The following HIVEP3 variants were observed in gnomAD, a reference collection of about 807,000 sequenced individuals.
The protein encoded by HIVEP3 is transcription factor HIVEP3.
HIVEP3 carries 49 observed loss-of-function variants against 152.8 expected under a neutral mutation model. That is an observed-to-expected ratio of 0.32 (90% confidence interval 0.26 to 0.41). The LOEUF (loss-of-function observed/expected upper bound fraction) is 0.41. HIVEP3 is among the 10% of genes least tolerant of loss of function. The pLI is 1.00. For synonymous variants in HIVEP3, 1,269 were observed against 1,289.0 expected (o/e 0.98, Z 0.33); for missense variants, 2,790 against 3,103.3 (o/e 0.90, Z 2.40).
At chr1:41,878,891 TTTTCCTACC>T (rs1318135604) in intron 1 of HIVEP3, among the ~76,000 whole-genome samples, 2 of 149,744 alleles carry the variant, frequency 1.3e-5, no homozygotes, top group Non-Finnish European at 3.0e-5. Flanking sequence ...CCTTCCTTTT[TTTTCCTACC>T]TTTCCTTTCC....
chr1:41,582,945 G>C lies in HIVEP3; in HGVS notation c.1853C>G (p.Ser618Trp). ...PSSKDTASKP[S>W]DEVEPKESEL... ...GCTTTCCTTGGGTTCCACTTCGTCC[G>C]AGGGCTTGGAGGCTGTGTCTTTGCT... The change falls in exon 4 of 9, where the codon TCG (serine) becomes TGG (tryptophan). Residue 618 changes from serine to tryptophan, a missense_variant. This residue lies in a region of HIVEP3 where 339 missense variants were observed against 327.0 expected (regional missense o/e 1.04). Coordinates refer to ENST00000372583, the MANE Select transcript of HIVEP3 (RefSeq NM_024503.5). This position sits in a 1 kb window ranked among gnomAD's most constrained non-coding sequence, Gnocchi z 4.7. 6.2e-7 allele frequency: 1 copy of C among 1,614,008 alleles called. No homozygotes were observed. The highest frequency in any genetic ancestry group is 2.2e-5 in the East Asian group (1 of 44,868).
chr1:41,778,549 A>G (rs1433573977), intron 1 of HIVEP3, among the ~76,000 whole-genome samples: 2 of 152,164 alleles, frequency 1.3e-5, no homozygotes, highest in African/African-American at 4.8e-5. Flanking sequence ...TTGTTGCTGG[A>G]GGGCGGGGCA....
At chr1:41,562,482 C>G (rs1459884032) in intron 5 of HIVEP3, among the ~76,000 whole-genome samples, 5 of 151,966 alleles carry the variant, frequency 3.3e-5, no homozygotes, top group African/African-American at 1.2e-4. Context: ...TTTTCTTTTC[C>G]CTTTCCTTCC....
At chr1:41,964,657 T>C (rs1645188114) in intron 1 of HIVEP3, among the ~76,000 whole-genome samples, 1 of 152,168 alleles carries the variant, frequency 6.6e-6, no homozygotes, top group South Asian at 2.1e-4. Flanking sequence ...CTGTGGCAGA[T>C]CATGGCCAGA....
chr1:41,599,393 T>A (rs1220785489), intron 3 of HIVEP3, among the ~76,000 whole-genome samples: 1 of 152,216 alleles, frequency 6.6e-6, no homozygotes, highest in African/African-American at 2.4e-5. Context: ...AATCACATAA[T>A]CATAAAGGAG....
At chr1:41,661,271 TATAG>T in intron 2 of HIVEP3, among the ~76,000 whole-genome samples, 2 of 152,332 alleles carry the variant, frequency 1.3e-5, no homozygotes, top group East Asian at 3.9e-4. Context: ...ATTATATTTT[TATAG>T]ATAAACAACT....
chr1:41,878,037 TG>T (rs1267432035), intron 1 of HIVEP3, among the ~76,000 whole-genome samples: 2 of 152,218 alleles, frequency 1.3e-5, no homozygotes, highest in African/African-American at 2.4e-5. Flanking sequence ...ACACTATTCC[TG>T]CATATGAGAT....
chr1:41,567,605 CAGA>C (rs1644186084), intron 5 of HIVEP3, among the ~76,000 whole-genome samples: 1 of 152,240 alleles, frequency 6.6e-6, no homozygotes, highest in Non-Finnish European at 1.5e-5. Context: ...AGACCCACCC[CAGA>C]AGAAGAGCAG....
chr1:41,675,047 C>T (rs1645934071), intron 2 of HIVEP3, among the ~76,000 whole-genome samples: 1 of 152,100 alleles, frequency 6.6e-6, no homozygotes, highest in South Asian at 2.1e-4. Context: ...ATTTATAGAA[C>T]CATCCTCCCA....
At chr1:41,637,054 G>C (rs147720873) in intron 2 of HIVEP3, among the ~76,000 whole-genome samples, 1 of 152,064 alleles carries the variant, frequency 6.6e-6, no homozygotes, top group Admixed American at 6.5e-5. Flanking sequence ...GGGAGGAGTC[G>C]TCATCAAATA....
At chr1:41,980,407 C>T (rs575804391) in intron 1 of HIVEP3, among the ~76,000 whole-genome samples, 5 of 152,246 alleles carry the variant, frequency 3.3e-5, no homozygotes, top group African/African-American at 1.2e-4. Context: ...TGCTACAATG[C>T]GATGAATGTC....
intron 1 of HIVEP3, among the ~76,000 whole-genome samples, chr1:41,768,052 A>G (rs1648122773): frequency 6.6e-6 from 1 of 152,220 alleles, no homozygotes; most frequent in South Asian, 2.1e-4. Context: ...CACTAAAAGC[A>G]CTGCATTCCA....
intron 2 of HIVEP3, among the ~76,000 whole-genome samples, chr1:41,688,326 G>A (rs1311156411): frequency 6.6e-6 from 1 of 152,228 alleles, no homozygotes. Flanking sequence ...GAACAAAACA[G>A]GACTCTTTTC....
rs377675350 is a variant in HIVEP3, at chr1:41,608,150, C to A, written c.-522+20599G>T. Among the ~76,000 whole-genome samples, 47 of 152,312 alleles carry A rather than the reference C, an allele frequency of 3.1e-4. No homozygotes were observed. The South Asian group carries it at 9.5e-3, about 31-fold the overall frequency. Reference sequence around the variant, plus strand: ...TTCCCGTGAGGTGTCTCGTCTATTTCTCTGACCAGTTCAGTCTTGAATGTG... The same window carrying A: ...TTCCCGTGAGGTGTCTCGTCTATTTATCTGACCAGTTCAGTCTTGAATGTG... On this transcript the variant is annotated intron_variant, in intron 3 of 8. Coordinates refer to ENST00000372583, the MANE Select transcript of HIVEP3 (RefSeq NM_024503.5).
chr1:41,652,066 C>T (rs12141084), intron 2 of HIVEP3, among the ~76,000 whole-genome samples: 64,688 of 152,018 alleles, frequency 0.43, 14,133 homozygotes, highest in Non-Finnish European at 0.48. Flanking sequence ...TGACTCAAAG[C>T]CCCGAGAGGT....
chr1:41,712,507 A>G (rs1646528594), intron 1 of HIVEP3, among the ~76,000 whole-genome samples: 1 of 152,362 alleles, frequency 6.6e-6, no homozygotes, highest in Non-Finnish European at 1.5e-5. Flanking sequence ...GTAAGGGGAC[A>G]CTGGGCACCT....
chr1:41,640,787 C>T (rs149646723), intron 2 of HIVEP3, among the ~76,000 whole-genome samples: 4 of 152,328 alleles, frequency 2.6e-5, no homozygotes, highest in Middle Eastern at 3.4e-3. Context: ...ACTAATGCTA[C>T]GGTCAGGCTC....
Position 41,974,904 on chromosome 1 carries a change from G to T in HIVEP3, n.120-56380C>A, listed in dbSNP as rs554393656. ...TCTGGTGCATGGCCATTATCTCCACGCAACCTGCCCTTCAGGACTGAGGTG... is the reference window on the plus strand; with the variant it reads ...TCTGGTGCATGGCCATTATCTCCACTCAACCTGCCCTTCAGGACTGAGGTG... On this transcript the variant is annotated intron_variant and non_coding_transcript_variant, in intron 1 of 3. Coordinates refer to the HIVEP3 transcript ENST00000489103. Among the ~76,000 whole-genome samples, 7 of 152,188 alleles carry T rather than the reference G, an allele frequency of 4.6e-5. No individual in the cohort carries two copies. The East Asian group carries it at 1.4e-3, about 29-fold the overall frequency.
chr1:41,807,915 A>G (rs1206954945), intron 1 of HIVEP3, among the ~76,000 whole-genome samples: 1 of 152,178 alleles, frequency 6.6e-6, no homozygotes, highest in African/African-American at 2.4e-5. Context: ...AGGAGGCTCC[A>G]GCCAAGGAGG....
Sources: gnomAD v4.1 joint callset for allele counts (sites outside exome capture counted in the v4.1 genomes callset) on GRCh38, gnomAD v4.1.1 for gene constraint, gnomAD v4.1.1 regional missense constraint, Gnocchi (gnomAD v3.1) non-coding constraint, MANE v1.5 for transcripts, NCBI Gene and HGNC (gene_info 2026-07-23, HGNC 2026-07-21) for gene names.